RELN: variants seen among roughly 807,000 people sequenced by gnomAD.
RELN encodes reelin.
RELN carries 108 observed loss-of-function variants against 427.6 expected under a neutral mutation model. The observed-to-expected ratio is 0.25, with a 90% CI of 0.22 to 0.30. The LOEUF (loss-of-function observed/expected upper bound fraction) is 0.30. RELN is among the 10% of genes least tolerant of loss of function. The pLI is 1.00. For synonymous variants in RELN, 1,524 were observed against 1,513.4 expected, an observed-to-expected ratio of 1.01 and a Z score of -0.16; for missense variants, 3,715 against 4,302.8, an observed-to-expected ratio of 0.86 and a Z score of 3.82.
intron 6 of RELN, among the ~76,000 whole-genome samples, chr7:103,748,230 CTG>C (rs1328376566): frequency 1.3e-5 from 2 of 149,008 alleles, no homozygotes; most frequent in East Asian, 2.0e-4. Context: ...TATTGATAAA[CTG>C]TTTCTTTAAA....
intron 22 of RELN, among the ~76,000 whole-genome samples, chr7:103,606,312 T>C (rs2117278440): frequency 6.6e-6 from 1 of 152,114 alleles, no homozygotes; most frequent in East Asian, 1.9e-4. Flanking sequence ...AGTCAGTGAG[T>C]GGATGAACAG....
intron 46 of RELN, among the ~76,000 whole-genome samples, chr7:103,524,103 G>A (rs562829329): frequency 7.9e-5 from 12 of 152,292 alleles, no homozygotes; most frequent in Middle Eastern, 3.4e-3. Context: ...CAGACAGTCA[G>A]AAACAAAAAC....
In RELN at chr7:103,683,430, C is replaced by G. The variant is rs1034103931; in HGVS notation, c.1144-1169G>C. Among the ~76,000 whole-genome samples, 3 of 152,134 alleles carry G rather than the reference C, an allele frequency of 2.0e-5. 1 individual carries two copies. Among genetic ancestry groups the G allele is most frequent in the African/African-American group, 7.2e-5 (3 of 41,434 alleles). On this transcript the variant is annotated intron_variant, in intron 10 of 64. Transcript: ENST00000428762. ...TATTGTGTATGCCTAAGATATATAA[C>G]ATGATTTTCTAAGACACATACAGTC...
intron 17 of RELN, among the ~76,000 whole-genome samples, chr7:103,637,060 G>GA (rs1197622972): frequency 6.6e-6 from 1 of 152,112 alleles, no homozygotes; most frequent in Non-Finnish European, 1.5e-5. Context: ...GGCACTTCAA[G>GA]AAAAACAAAC....
chr7:103,943,207 A>G (rs1388003035), intron 1 of RELN, among the ~76,000 whole-genome samples: 1 of 152,186 alleles, frequency 6.6e-6, no homozygotes, highest in Non-Finnish European at 1.5e-5. Context: ...TGCTAGAAAG[A>G]AGGCAAGTTT....
chr7:103,794,786 T>C (rs886806), intron 3 of RELN, among the ~76,000 whole-genome samples: 44,401 of 152,014 alleles, frequency 0.29, 6,953 homozygotes, highest in Non-Finnish European at 0.34. Flanking sequence ...GCAGCACCTG[T>C]AGCACCACTA....
At chr7:103,715,192 A>C (rs960591960) in intron 8 of RELN, among the ~76,000 whole-genome samples, 2 of 152,206 alleles carry the variant, frequency 1.3e-5, no homozygotes, top group Non-Finnish European at 2.9e-5. Context: ...ATGCAAGCAA[A>C]ATTTTCATTC....
At chr7:103,576,708 C>A (rs1027225850) in intron 28 of RELN, among the ~76,000 whole-genome samples, 2 of 152,052 alleles carry the variant, frequency 1.3e-5, no homozygotes, top group Non-Finnish European at 2.9e-5. Flanking sequence ...TATTCACCTG[C>A]GCCTTCCCTC....
chr7:103,617,199 T>C (rs934179505), intron 20 of RELN, among the ~76,000 whole-genome samples: 6 of 152,204 alleles, frequency 3.9e-5, no homozygotes, highest in African/African-American at 1.4e-4. Context: ...TCATGGACTT[T>C]GCCCATTTTT....
intron 30 of RELN, among the ~76,000 whole-genome samples, chr7:103,572,595 G>A (rs1269570883): frequency 5.9e-5 from 9 of 151,474 alleles, no homozygotes; most frequent in Admixed American, 3.3e-4. Context: ...GGAATGCAGT[G>A]GCGTGATCTC....
intron 1 of RELN, among the ~76,000 whole-genome samples, chr7:103,930,705 G>A (rs1012762198): frequency 2.6e-5 from 4 of 152,024 alleles, no homozygotes; most frequent in Admixed American, 6.6e-5. Context: ...GGGCTCAAGC[G>A]ATCCTCCTGT....
At chr7:103,647,411 G>A (rs1452518328) in intron 16 of RELN, among the ~76,000 whole-genome samples, 2 of 151,264 alleles carry the variant, frequency 1.3e-5, no homozygotes, top group Non-Finnish European at 3.0e-5. Context: ...TATATATAAC[G>A]ATAATAAACG....
At chr7:103,873,352 A>T (rs1331720934) in intron 2 of RELN, among the ~76,000 whole-genome samples, 1 of 135,274 alleles carries the variant, frequency 7.4e-6, no homozygotes, top group East Asian at 2.3e-4. Context: ...AAATAACTAA[A>T]ATCAGAGCAG....
chr7:103,845,755 C>T lies in RELN; in HGVS notation c.338-12083G>A, dbSNP rs186185304. Among the ~76,000 whole-genome samples, 11 of 152,232 alleles carry T rather than the reference C, an allele frequency of 7.2e-5. No homozygotes were observed. The East Asian group carries it at 2.1e-3, about 29-fold the overall frequency. ...GCAAACAGCCAAATCGGAGTAAACT[C>T]TCATTCACAATTGCCACAAAGAGAA... On this transcript the variant is annotated intron_variant, in intron 2 of 64. Transcript: ENST00000428762.
chr7:103,515,472 G>A (rs770098138), intron 49 of RELN, 31 bp from the exon 50 acceptor site: 2 of 1,609,602 alleles, frequency 1.2e-6, no homozygotes, highest in South Asian at 1.1e-5. Context: ...AGGGTGTGGG[G>A]AAGAACCCTT....
At chr7:103,776,423 A>T in intron 4 of RELN, 134 bp downstream of exon 4, 1 of 858,480 alleles carries the variant, frequency 1.2e-6, no homozygotes, top group East Asian at 2.5e-5. Flanking sequence ...TATTAGTGAT[A>T]CGAAGGGTCA....
chr7:103,558,110 G>T, intron 36 of RELN, 61 bp from the exon 37 acceptor site: 1 of 795,184 alleles, frequency 1.3e-6, no homozygotes, highest in Non-Finnish European at 2.3e-6. Flanking sequence ...GTATCCCTTT[G>T]ATTTTATACA....
At chr7:103,503,345 CCTGTATTTTCAG>C (rs1829099855) in intron 51 of RELN, 115 bp from the exon 52 acceptor site, 1 of 828,854 alleles carries the variant, frequency 1.2e-6, no homozygotes, top group Admixed American at 1.9e-5. Flanking sequence ...CCACATCCAT[CCTGTATTTTCAG>C]ATTCATTATT....
rs1375115912 is a variant in RELN, at chr7:103,892,260, CTA to C, written c.337+24813_337+24814del. Among the ~76,000 whole-genome samples, 5 of 152,128 alleles carry C rather than the reference CTA, an allele frequency of 3.3e-5. No individual in the cohort carries two copies. The East Asian group carries it at 7.7e-4, about 23-fold the overall frequency. On this transcript the variant is annotated intron_variant, in intron 2 of 64. Transcript: ENST00000428762. ...CCTCCGTCATTCAGGAACCGAATGACTATGTGGAGCAAAGCCTTCCATGCTGA... is the reference window on the plus strand; with the variant it reads ...CCTCCGTCATTCAGGAACCGAATGACTGTGGAGCAAAGCCTTCCATGCTGA...
Sources: allele counts gnomAD v4.1 joint callset (sites outside exome capture counted in the v4.1 genomes callset), GRCh38; gene constraint gnomAD v4.1.1; transcripts MANE v1.5; gene names NCBI Gene and HGNC (gene_info 2026-07-23, HGNC 2026-07-21).